SSU72: variants seen among roughly 807,000 people sequenced by gnomAD.
SSU72 encodes RNA polymerase II subunit A C-terminal domain phosphatase SSU72.
A neutral mutation model predicts 22.7 loss-of-function variants in SSU72; 12 were observed. That is an observed-to-expected ratio of 0.53 (90% CI 0.34 to 0.86). The LOEUF is 0.86. SSU72 is among the 40% of genes least tolerant of loss of function. The probability of loss-of-function intolerance (pLI) is 0.02; values close to 1 mark genes in which losing one functional copy is unlikely to be tolerated. For synonymous variants in SSU72, 116 were observed against 98.3 expected, an observed-to-expected ratio of 1.18 and a Z score of -1.06; for missense variants, 151 against 249.8, an observed-to-expected ratio of 0.60 and a Z score of 2.67.
intron 2 of SSU72, 200 bp downstream of exon 2, chr1:1,564,573 C>G (rs371170736): frequency 1.3e-5 from 21 of 1,594,386 alleles, no homozygotes; most frequent in East Asian, 4.6e-5. Context: ...CGCCTCACCA[C>G]GCCTACTGCC....
intron 2 of SSU72, among the ~76,000 whole-genome samples, chr1:1,556,885 C>T (rs866095782): frequency 2.0e-5 from 3 of 152,246 alleles, no homozygotes; most frequent in Non-Finnish European, 2.9e-5. Context: ...TCCAGACCCT[C>T]AAATGACCAC....
intron 2 of SSU72, chr1:1,545,400 CA>C (rs1299000213): frequency 9.2e-6 from 2 of 217,620 alleles, no homozygotes; most frequent in Admixed American, 1.1e-4. Context: ...GCTCCCTGTG[CA>C]GTGCATGCTG....
chr1:1,558,470 A>C (rs933845744), intron 2 of SSU72, among the ~76,000 whole-genome samples: 1 of 152,260 alleles, frequency 6.6e-6, no homozygotes, highest in African/African-American at 2.4e-5. Context: ...TATGCCAGAC[A>C]CAGGCTTGGT....
chr1:1,558,227 C>T (rs1421946915), intron 2 of SSU72, among the ~76,000 whole-genome samples: 1 of 115,552 alleles, frequency 8.7e-6, no homozygotes. Context: ...AAAAGCTGGG[C>T]ATGGCATAGG....
intron 2 of SSU72, among the ~76,000 whole-genome samples, chr1:1,555,565 A>G (rs1457235870): frequency 2.0e-5 from 3 of 152,234 alleles, no homozygotes; most frequent in Non-Finnish European, 4.4e-5. Flanking sequence ...CCGTACTCAG[A>G]AGGGCACGGT....
chr1:1,573,429 C>CAAAAAAAAAAAA (rs56930035), intron 1 of SSU72, among the ~76,000 whole-genome samples: 4 of 107,446 alleles, frequency 3.7e-5, no homozygotes, highest in Admixed American at 8.5e-5. Context: ...GACTCTGTCT[C>CAAAAAAAAAAAA]AAAAAAAAAA....
intron 2 of SSU72, among the ~76,000 whole-genome samples, chr1:1,555,108 T>C (rs1287576702): frequency 1.3e-5 from 2 of 151,860 alleles, no homozygotes; most frequent in African/African-American, 2.4e-5. Context: ...GGTAACTGAG[T>C]GACGGGACAC....
chr1:1,570,205 G>A (rs1642710336), intron 1 of SSU72, among the ~76,000 whole-genome samples: 1 of 151,130 alleles, frequency 6.6e-6, no homozygotes, highest in African/African-American at 2.4e-5. Flanking sequence ...GAGGCAGGAG[G>A]ATCGTTTTAG....
intron 2 of SSU72, among the ~76,000 whole-genome samples, chr1:1,558,703 T>C (rs144894548): frequency 2.1e-5 from 3 of 140,586 alleles, no homozygotes; most frequent in African/African-American, 8.8e-5. Flanking sequence ...CCTTCTCATG[T>C]GGCTGAATGG....
At chr1:1,553,619 C>CAAA (rs59261076) in intron 2 of SSU72, among the ~76,000 whole-genome samples, 167 of 100,782 alleles carry the variant, frequency 1.7e-3, no homozygotes, top group Middle Eastern at 5.7e-3. Flanking sequence ...ACTAAAAATA[C>CAAA]AAAAAAAAAA....
chr1:1,546,718 T>C (rs1570381433), intron 2 of SSU72, among the ~76,000 whole-genome samples: 1 of 151,796 alleles, frequency 6.6e-6, no homozygotes, highest in East Asian at 1.9e-4. Context: ...ACACCTGTAA[T>C]CTCAGCTACA....
At chr1:1,571,209 C>T (rs1306148664) in intron 1 of SSU72, among the ~76,000 whole-genome samples, 1 of 136,440 alleles carries the variant, frequency 7.3e-6, no homozygotes, top group East Asian at 2.1e-4. Context: ...CGCGCCACTG[C>T]ACTCCAGCCT....
intron 2 of SSU72, chr1:1,545,223 C>T (rs920268448): frequency 1.5e-5 from 8 of 546,626 alleles, no homozygotes; most frequent in African/African-American, 3.8e-5. Context: ...GCTTGCTCCT[C>T]GCTGTCCCCC....
At chr1:1,550,554 C>T (rs1226545962) in intron 2 of SSU72, among the ~76,000 whole-genome samples, 3 of 152,232 alleles carry the variant, frequency 2.0e-5, no homozygotes, top group African/African-American at 4.8e-5. Context: ...CCTTGCCTCT[C>T]GCCAGACCCC....
chr1:1,562,666 G>C (rs553642094), intron 2 of SSU72: 2 of 152,482 alleles, frequency 1.3e-5, no homozygotes, highest in South Asian at 2.1e-4. Context: ...CCGGGATGGA[G>C]ACAGCATGGA....
intron 1 of SSU72, among the ~76,000 whole-genome samples, chr1:1,565,849 C>G (rs935517048): frequency 2.6e-5 from 4 of 152,194 alleles, no homozygotes; most frequent in Admixed American, 2.6e-4. Flanking sequence ...CTAGTTCACG[C>G]AAGGAGAAAG....
intron 1 of SSU72, among the ~76,000 whole-genome samples, chr1:1,571,305 C>T (rs552168475): frequency 7.1e-6 from 1 of 140,314 alleles, no homozygotes; most frequent in South Asian, 2.3e-4. Flanking sequence ...TGGTGGCAGG[C>T]GCCTGTAGTC....
chr1:1,563,842 G>A (rs1642625439), intron 2 of SSU72: 1 of 152,302 alleles, frequency 6.6e-6, no homozygotes. Flanking sequence ...CAGCCGGGGT[G>A]ACACAGTGAG....
At chr1:1,547,934 T>C (rs1044973597) in intron 2 of SSU72, among the ~76,000 whole-genome samples, 6 of 152,138 alleles carry the variant, frequency 3.9e-5, no homozygotes, top group African/African-American at 1.4e-4. Flanking sequence ...GCGTTCGACA[T>C]TGAACCCACA....
Sources: allele counts gnomAD v4.1 joint callset (sites outside exome capture counted in the v4.1 genomes callset), GRCh38; gene constraint gnomAD v4.1.1; transcripts MANE v1.5; gene names NCBI Gene and HGNC (gene_info 2026-07-23, HGNC 2026-07-21).